Variants in AFAP1 observed in about 807,000 individuals in gnomAD.
AFAP1 encodes the protein actin filament-associated protein 1.
AFAP1 carries 75 observed loss-of-function variants against 93.9 expected under a neutral mutation model. That is an observed-to-expected ratio of 0.80 (90% CI 0.66 to 0.97). The LOEUF is 0.97. Ranked by LOEUF, AFAP1 falls within the 50% of genes least tolerant of loss-of-function variation. The probability of loss-of-function intolerance (pLI) is 0.00; values close to 1 mark genes in which losing one functional copy is unlikely to be tolerated. For missense variants in AFAP1, 1,201 were observed against 1,050.8 expected (o/e 1.14, Z -1.98); for synonymous variants, 517 against 430.7 (o/e 1.20, Z -2.48).
At chr4:7,780,493 C>A (rs1478962262) in intron 13 of AFAP1, among the ~76,000 whole-genome samples, 1 of 152,154 alleles carries the variant, frequency 6.6e-6, no homozygotes, top group African/African-American at 2.4e-5. Flanking sequence ...GGTCTTTAGG[C>A]AAAGCATGAA....
intron 1 of AFAP1, among the ~76,000 whole-genome samples, chr4:7,916,046 G>A (rs1394314671): frequency 6.6e-6 from 1 of 152,176 alleles, no homozygotes; most frequent in African/African-American, 2.4e-5. Context: ...CCCACCTGCT[G>A]GGGAGAGGCA....
At chr4:7,776,002 A>C (rs1337602022) in intron 14 of AFAP1, 1 of 152,222 alleles carries the variant, frequency 6.6e-6, no homozygotes, top group Non-Finnish European at 1.5e-5. Flanking sequence ...TTGGCTTTTC[A>C]ATAACAGTAA....
chr4:7,803,543 G>A (rs1337025830), intron 9 of AFAP1, among the ~76,000 whole-genome samples: 4 of 151,802 alleles, frequency 2.6e-5, no homozygotes, highest in East Asian at 3.9e-4. Flanking sequence ...ACCCGGCCCC[G>A]ATCCCCAACC....
intron 1 of AFAP1, among the ~76,000 whole-genome samples, chr4:7,873,734 G>C (rs1577325052): frequency 2.0e-5 from 3 of 152,254 alleles, no homozygotes; most frequent in Non-Finnish European, 4.4e-5. Context: ...GTCGTCTAGA[G>C]AAAAATCACT....
chr4:7,816,299 G>A (rs1720476361), intron 7 of AFAP1, among the ~76,000 whole-genome samples, 200 bp from the exon 8 acceptor site: 2 of 148,538 alleles, frequency 1.3e-5, no homozygotes, highest in South Asian at 4.2e-4. Context: ...TCCAGAGGGG[G>A]AAAAAAAAAG....
intron 3 of AFAP1, among the ~76,000 whole-genome samples, chr4:7,856,633 G>A (rs919481633): frequency 9.2e-5 from 14 of 152,154 alleles, no homozygotes; most frequent in Admixed American, 6.5e-4. Context: ...CTCACTCCGC[G>A]CCTCGGGACA....
At chr4:7,874,101 C>A (rs911704448) in intron 1 of AFAP1, among the ~76,000 whole-genome samples, 3 of 152,170 alleles carry the variant, frequency 2.0e-5, no homozygotes, top group Non-Finnish European at 4.4e-5. Context: ...TTTGGAAGAT[C>A]TGCACAACTC....
At chr4:7,927,015 G>C (rs1398755072) in intron 1 of AFAP1, among the ~76,000 whole-genome samples, 1 of 152,192 alleles carries the variant, frequency 6.6e-6, no homozygotes, top group Non-Finnish European at 1.5e-5. Context: ...AGTCAGCTCA[G>C]GCATCCTGAC....
chr4:7,903,535 T>C (rs1719232638), intron 1 of AFAP1, among the ~76,000 whole-genome samples: 1 of 152,104 alleles, frequency 6.6e-6, no homozygotes, highest in Non-Finnish European at 1.5e-5. Flanking sequence ...AAAAATTAGC[T>C]GGGCATGGTG....
Position 7,939,585 on chromosome 4 carries a change from C to T in AFAP1, c.-3+71G>A. 2.5e-6 allele frequency: 1 copy of T among 392,546 alleles called. No individual in the cohort carries two copies. The highest frequency in any genetic ancestry group is 5.0e-6 in the Non-Finnish European group (1 of 200,760). The allele number at this position is 392,546 out of a possible 1,614,324, so 24.3% of individuals were successfully genotyped here. A position where few individuals can be genotyped will look rare whatever the true frequency, so the allele number is the denominator to read the frequency against. ...ACCCCGGACCCTGCGGAGCCCCGCT[C>T]GGAGCTTCCACGCCCGGGGCAGAGA... On this transcript the variant is annotated intron_variant, in intron 1 of 17. Coordinates refer to ENST00000420658, the MANE Select transcript of AFAP1 (RefSeq NM_001134647.2). This position sits in a 1 kb window ranked among gnomAD's most constrained non-coding sequence, Gnocchi z 5.6.
chr4:7,857,571 T>C (rs1715207953), intron 3 of AFAP1, among the ~76,000 whole-genome samples: 1 of 152,206 alleles, frequency 6.6e-6, no homozygotes, highest in Admixed American at 6.5e-5. Context: ...CCTTCATATC[T>C]TCCTACAGAC....
intron 1 of AFAP1, 130 bp from the exon 2 acceptor site, chr4:7,872,210 C>T: frequency 8.4e-7 from 1 of 1,192,916 alleles, no homozygotes; most frequent in Non-Finnish European, 1.1e-6. Context: ...ACCTAAAAAA[C>T]AAGTTTGCTG....
At position 7,889,025 on chromosome 4, in the gene AFAP1, C is replaced by G. The variant is rs188460898; in HGVS notation, c.-2-16945G>C. ...CAGACTGGTCTCGAACTCCTGACCT[C>G]AAGTGATCTGCCCGCCTCAGCCTCC... On this transcript the variant is annotated intron_variant, in intron 1 of 17. Transcript: ENST00000420658. Among the ~76,000 whole-genome samples, 5 of 152,152 alleles carry G rather than the reference C, an allele frequency of 3.3e-5. No homozygotes were observed. The East Asian group carries it at 7.8e-4, about 24-fold the overall frequency.
At chr4:7,878,486 G>A (rs1396784497) in intron 1 of AFAP1, among the ~76,000 whole-genome samples, 7 of 152,156 alleles carry the variant, frequency 4.6e-5, no homozygotes, top group Non-Finnish European at 8.8e-5. Flanking sequence ...TCAGGAGGAG[G>A]AGCTGCTTCT....
chr4:7,816,960 C>T (rs748756339), intron 7 of AFAP1, among the ~76,000 whole-genome samples: 3 of 152,154 alleles, frequency 2.0e-5, no homozygotes, highest in Admixed American at 2.0e-4. Context: ...GAGCTGGCAC[C>T]GCCCTGGCTC....
chr4:7,931,539 G>A (rs899088002), intron 1 of AFAP1, among the ~76,000 whole-genome samples: 5 of 148,748 alleles, frequency 3.4e-5, no homozygotes, highest in South Asian at 2.2e-4. Flanking sequence ...GCACCACCAC[G>A]CCCAGCATTT....
At chr4:7,867,246 T>G (rs1716530968) in intron 3 of AFAP1, among the ~76,000 whole-genome samples, 1 of 152,110 alleles carries the variant, frequency 6.6e-6, no homozygotes, top group Non-Finnish European at 1.5e-5. Flanking sequence ...AGGCTAAAGT[T>G]TGAGAAGCGC....
chr4:7,923,444 T>C (rs767645359), intron 1 of AFAP1, among the ~76,000 whole-genome samples: 1 of 152,192 alleles, frequency 6.6e-6, no homozygotes, highest in Non-Finnish European at 1.5e-5. Flanking sequence ...CTTTCTTCTT[T>C]TCCTCACACC....
At chr4:7,927,062 C>A (rs2149242010) in intron 1 of AFAP1, among the ~76,000 whole-genome samples, 1 of 152,346 alleles carries the variant, frequency 6.6e-6, no homozygotes, top group East Asian at 1.9e-4. Context: ...TCCACGTCTA[C>A]CTTCCAAGTA....
Sources: gnomAD v4.1 joint callset for allele counts (sites outside exome capture counted in the v4.1 genomes callset) on GRCh38, gnomAD v4.1.1 for gene constraint, Gnocchi (gnomAD v3.1) non-coding constraint, MANE v1.5 for transcripts, NCBI Gene and HGNC (gene_info 2026-07-23, HGNC 2026-07-21) for gene names.